Variants in SCFD2 observed in about 807,000 individuals in gnomAD.
SCFD2 encodes the protein sec1 family domain-containing protein 2.
In SCFD2, 54 loss-of-function variants were observed where a neutral mutation model predicts 58.9. That is an observed-to-expected ratio of 0.92 (90% CI 0.74 to 1.15). The LOEUF is 1.15. Ranked by LOEUF, SCFD2 falls within the 50% of genes most tolerant of loss-of-function variation. SCFD2 has a pLI of 0.00. For synonymous variants in SCFD2, 321 were observed against 335.9 expected (o/e 0.96, Z 0.49); for missense variants, 805 against 836.6 (o/e 0.96, Z 0.47).
chr4:53,343,289 G>A (rs1284459247), intron 2 of SCFD2, among the ~76,000 whole-genome samples: 1 of 152,088 alleles, frequency 6.6e-6, no homozygotes, highest in Non-Finnish European at 1.5e-5. Flanking sequence ...CAATCCCACA[G>A]AAATACAAGC....
At chr4:52,891,122 C>T (rs936142792) in intron 7 of SCFD2, among the ~76,000 whole-genome samples, 4 of 152,138 alleles carry the variant, frequency 2.6e-5, no homozygotes, top group African/African-American at 9.7e-5. Context: ...AATGGCTTTT[C>T]TCCCACCAAG....
At chr4:53,130,090 A>C (rs763492049) in intron 5 of SCFD2, among the ~76,000 whole-genome samples, 1 of 152,216 alleles carries the variant, frequency 6.6e-6, no homozygotes, top group Non-Finnish European at 1.5e-5. Flanking sequence ...TGTGTCCCAT[A>C]AATTTATAAA....
chr4:52,950,521 T>TGAAATACAGGAAAGC (rs759906810), intron 5 of SCFD2: 3 of 152,170 alleles, frequency 2.0e-5, no homozygotes, highest in Non-Finnish European at 4.4e-5. Flanking sequence ...ACCCTTTGAA[T>TGAAATACAGGAAAGC]GAAATACAGG....
At chr4:53,282,332 C>G (rs2149077904) in intron 3 of SCFD2, among the ~76,000 whole-genome samples, 1 of 152,136 alleles carries the variant, frequency 6.6e-6, no homozygotes, top group Middle Eastern at 3.4e-3. Flanking sequence ...TTTCTCTGAT[C>G]TTCTACACTT....
rs1577996942 is a variant in SCFD2, at chr4:53,352,543, G to C, written c.1007+55C>G. 23 of 1,447,886 alleles carry C rather than the reference G, an allele frequency of 1.6e-5. No homozygotes were observed. In the South Asian group the frequency reaches 3.0e-4, roughly 19 times the overall value. 89.7% of individuals were successfully genotyped at this position (1,447,886 alleles called of 1,614,324 possible). ...TCCTATGGGAATACTCAGTCTAGGA[G>C]AAAAAGAAAGGGGAAGACAGAGAAA... On this transcript the variant is annotated intron_variant, in intron 2 of 8. Transcript: ENST00000401642.
At chr4:53,087,228 C>A (rs1036006408) in intron 5 of SCFD2, among the ~76,000 whole-genome samples, 3 of 152,142 alleles carry the variant, frequency 2.0e-5, no homozygotes, top group African/African-American at 7.2e-5. Context: ...AAGAACCTGG[C>A]TGAATTGTGT....
chr4:52,977,876 G>A (rs529285996), intron 5 of SCFD2, among the ~76,000 whole-genome samples: 2 of 152,258 alleles, frequency 1.3e-5, no homozygotes, highest in South Asian at 2.1e-4. Flanking sequence ...CTTCGTCTAC[G>A]GCAGATGAGA....
chr4:52,977,552 C>T (rs976681716), intron 5 of SCFD2, among the ~76,000 whole-genome samples: 3 of 152,070 alleles, frequency 2.0e-5, no homozygotes, highest in African/African-American at 7.2e-5. Flanking sequence ...AAGATACAGG[C>T]ATCTGGCAAG....
chr4:52,902,586 C>T (rs1719231665), intron 7 of SCFD2, among the ~76,000 whole-genome samples: 1 of 152,202 alleles, frequency 6.6e-6, no homozygotes, highest in Non-Finnish European at 1.5e-5. Flanking sequence ...TGGCTCTTTT[C>T]AGACATCACA....
intron 5 of SCFD2, among the ~76,000 whole-genome samples, chr4:53,039,635 C>A (rs1722847422): frequency 6.6e-6 from 1 of 152,182 alleles, no homozygotes; most frequent in Admixed American, 6.5e-5. Flanking sequence ...CTGCTCCACT[C>A]CTGCCCCGAT....
At chr4:53,067,347 A>G (rs1256891168) in intron 5 of SCFD2, among the ~76,000 whole-genome samples, 1 of 152,046 alleles carries the variant, frequency 6.6e-6, no homozygotes, top group East Asian at 1.9e-4. Flanking sequence ...ACTCAAACAT[A>G]CATTTCAATC....
chr4:53,244,869 T>C (rs1478736567), intron 4 of SCFD2, among the ~76,000 whole-genome samples: 1 of 145,960 alleles, frequency 6.9e-6, no homozygotes, highest in Non-Finnish European at 1.5e-5. Flanking sequence ...GCTAGACTAA[T>C]AAAGAAAAAA....
chr4:53,224,321 A>C (rs1193929727), intron 4 of SCFD2, among the ~76,000 whole-genome samples: 1 of 150,260 alleles, frequency 6.7e-6, no homozygotes, highest in Non-Finnish European at 1.5e-5. Flanking sequence ...CCTGGGAGGC[A>C]GAGGTTGCAG....
intron 5 of SCFD2, among the ~76,000 whole-genome samples, chr4:53,024,764 C>T (rs763997970): frequency 4.7e-5 from 7 of 148,784 alleles, no homozygotes; most frequent in Non-Finnish European, 8.9e-5. Flanking sequence ...CATGGGATGA[C>T]GTTACTCTGA....
intron 4 of SCFD2, among the ~76,000 whole-genome samples, chr4:53,193,430 C>T (rs1727972538): frequency 6.6e-6 from 1 of 152,146 alleles, no homozygotes; most frequent in Admixed American, 6.5e-5. Flanking sequence ...TTAAGAAGTA[C>T]TTGAGGCATC....
chr4:52,995,094 CTAT>C (rs1378771237), intron 5 of SCFD2, among the ~76,000 whole-genome samples: 1 of 152,076 alleles, frequency 6.6e-6, no homozygotes, highest in Non-Finnish European at 1.5e-5. Flanking sequence ...TACTTTATTT[CTAT>C]TATTATTACA....
At chr4:53,112,287 C>T (rs1392734631) in intron 5 of SCFD2, among the ~76,000 whole-genome samples, 1 of 152,008 alleles carries the variant, frequency 6.6e-6, no homozygotes, top group Non-Finnish European at 1.5e-5. Flanking sequence ...AACTGAGGCA[C>T]CTTAACTAAA....
chr4:53,120,855 G>T (rs1283361678), intron 5 of SCFD2, among the ~76,000 whole-genome samples: 1 of 152,120 alleles, frequency 6.6e-6, no homozygotes, highest in Non-Finnish European at 1.5e-5. Flanking sequence ...AAAAAAAATT[G>T]CTAGCTGTCA....
At chr4:53,294,707 C>A (rs1304516128) in intron 3 of SCFD2, among the ~76,000 whole-genome samples, 1 of 152,162 alleles carries the variant, frequency 6.6e-6, no homozygotes, top group African/African-American at 2.4e-5. Context: ...GACATGAAGT[C>A]TTTGACCATG....
Sources: allele counts gnomAD v4.1 joint callset (sites outside exome capture counted in the v4.1 genomes callset), GRCh38; gene constraint gnomAD v4.1.1; transcripts MANE v1.5; gene names NCBI Gene and HGNC (gene_info 2026-07-23, HGNC 2026-07-21).